NR5A2: variants seen among roughly 807,000 people sequenced by gnomAD.
The protein encoded by NR5A2 is nuclear receptor subfamily 5 group A member 2.
A neutral mutation model predicts 62.7 loss-of-function variants in NR5A2; 26 were observed. The ratio of observed to expected loss-of-function variants is 0.41; its 90% confidence interval spans 0.30 to 0.58. NR5A2 has a LOEUF of 0.58. Among genes scored for constraint, NR5A2 ranks in the 20% least tolerant of loss-of-function variants. The pLI, the probability that NR5A2 is intolerant of heterozygous loss-of-function variation, is 0.22. For synonymous variants in NR5A2, 246 were observed against 241.7 expected (o/e 1.02, Z -0.16); for missense variants, 541 against 669.1 (o/e 0.81, Z 2.11).
At chr1:200,051,219 G>A (rs898146014) in intron 5 of NR5A2, among the ~76,000 whole-genome samples, 12 of 152,120 alleles carry the variant, frequency 7.9e-5, no homozygotes, top group African/African-American at 1.7e-4. Flanking sequence ...AAAGACAGCC[G>A]CAGAGAATAA....
chr1:200,088,556 C>G (rs754061403), intron 5 of NR5A2, among the ~76,000 whole-genome samples: 1 of 150,448 alleles, frequency 6.6e-6, no homozygotes, highest in African/African-American at 2.4e-5. Context: ...CATGCCTGAC[C>G]GCCCAGCCCC....
chr1:200,151,333 T>C (rs1420825494), intron 7 of NR5A2, among the ~76,000 whole-genome samples: 1 of 152,224 alleles, frequency 6.6e-6, no homozygotes, highest in African/African-American at 2.4e-5. Context: ...TATGCCATGA[T>C]TTACTGTCAG....
chr1:200,073,328 A>G (rs1663841009), intron 5 of NR5A2, among the ~76,000 whole-genome samples: 1 of 142,712 alleles, frequency 7.0e-6, no homozygotes, highest in Non-Finnish European at 1.5e-5. Context: ...CCCTTTATAT[A>G]TATATATATA....
chr1:200,040,735 T>C (rs1288074097), intron 2 of NR5A2, among the ~76,000 whole-genome samples: 2 of 152,112 alleles, frequency 1.3e-5, no homozygotes, highest in Non-Finnish European at 2.9e-5. Flanking sequence ...TGCGCGAACT[T>C]GAAAGGACTG....
chr1:200,106,066 T>G (rs12742980), intron 5 of NR5A2, among the ~76,000 whole-genome samples: 2 of 62,258 alleles, frequency 3.2e-5, no homozygotes, highest in Non-Finnish European at 7.2e-5. Context: ...TCACTCTTCT[T>G]TTTTTTTTTG....
At chr1:200,111,143 A>C in intron 5 of NR5A2, 59 bp from the exon 6 acceptor site, 1 of 1,572,588 alleles carries the variant, frequency 6.4e-7, no homozygotes, top group Non-Finnish European at 8.6e-7. Flanking sequence ...ACAAAAAAGT[A>C]GTGAATAACA....
chr1:200,114,650 C>G (rs1666133056), intron 6 of NR5A2, among the ~76,000 whole-genome samples: 1 of 152,198 alleles, frequency 6.6e-6, no homozygotes, highest in Non-Finnish European at 1.5e-5. Context: ...CTGTGAAATG[C>G]TGACACAAAA....
intron 7 of NR5A2, among the ~76,000 whole-genome samples, chr1:200,153,169 G>C (rs905011412): frequency 6.6e-6 from 1 of 152,202 alleles, no homozygotes; most frequent in Non-Finnish European, 1.5e-5. Context: ...GCCTACTTTA[G>C]AGTAGTTGTC....
At chr1:200,055,407 G>A (rs1571724091) in intron 5 of NR5A2, among the ~76,000 whole-genome samples, 3 of 152,140 alleles carry the variant, frequency 2.0e-5, no homozygotes, top group Admixed American at 2.0e-4. Flanking sequence ...TGTTGGTCAG[G>A]CTGGTCTCAA....
intron 1 of NR5A2, among the ~76,000 whole-genome samples, chr1:200,035,912 T>A (rs930793398): frequency 3.3e-5 from 5 of 152,170 alleles, no homozygotes; most frequent in Non-Finnish European, 5.9e-5. Flanking sequence ...TGAGCAGAGC[T>A]GTCCCCCGGT....
At chr1:200,050,372 T>C (rs1662571403) in intron 5 of NR5A2, among the ~76,000 whole-genome samples, 1 of 152,230 alleles carries the variant, frequency 6.6e-6, no homozygotes, top group African/African-American at 2.4e-5. Context: ...AATGAACTGC[T>C]TAATAATTAT....
intron 7 of NR5A2, among the ~76,000 whole-genome samples, chr1:200,133,387 T>C (rs1347583486): frequency 1.3e-5 from 2 of 151,850 alleles, no homozygotes; most frequent in Non-Finnish European, 2.9e-5. Flanking sequence ...TGAGTGGCCA[T>C]GCTGGACTCA....
chr1:200,172,206 A>G (rs1027189950), intron 7 of NR5A2, among the ~76,000 whole-genome samples: 1 of 152,238 alleles, frequency 6.6e-6, no homozygotes, highest in African/African-American at 2.4e-5. Flanking sequence ...AAGGTAGGAC[A>G]TATTGAAGGT....
rs190052708 is a variant in NR5A2 at position 200,058,594 on chromosome 1, C to T, written c.1110+9776C>T. Among the ~76,000 whole-genome samples the T allele has an allele frequency of 1.3e-3, 205 of 151,856 alleles. 4 individuals are homozygous for T. Among genetic ancestry groups the T allele is most frequent in the Admixed American group, 0.011 (174 of 15,270 alleles). ...CTTCCCGGTTCAAGCGATTCTCCTC[C>T]GTCAACCTCCCGAGTAGCTGAGATC... On this transcript the variant is annotated intron_variant, in intron 5 of 7. Coordinates refer to ENST00000367362, the MANE Select transcript of NR5A2 (RefSeq NM_205860.3).
intron 4 of NR5A2, among the ~76,000 whole-genome samples, chr1:200,046,113 A>G (rs906350156): frequency 1.3e-5 from 2 of 152,196 alleles, no homozygotes; most frequent in African/African-American, 4.8e-5. Context: ...TTGATAGTGT[A>G]GAAATGTATT....
Position 200,039,928 on chromosome 1 carries a change from GC to G in NR5A2, c.202+138del. 1 of 965,878 alleles carries G rather than the reference GC, an allele frequency of 1.0e-6. No homozygotes were observed. The highest frequency in any genetic ancestry group is 3.4e-4 in the Middle Eastern group (1 of 2,952). 59.8% of individuals were successfully genotyped at this position (965,878 alleles called of 1,614,324 possible). The stretch of plus-strand genomic sequence containing the variant: ...GGGCGCTCGCAGCCGCGGGAGTCAA[GC>G]CCCCTCCCCAGGTGCAGGCATAAAA... On this transcript the variant is annotated intron_variant, in intron 2 of 7. Coordinates refer to ENST00000367362, the MANE Select transcript of NR5A2 (RefSeq NM_205860.3). The surrounding 1 kb of genome is among the most constrained non-coding windows in gnomAD (Gnocchi z 5.1).
Position 200,174,193 on chromosome 1 carries a change from C to A in NR5A2, c.1609C>A (p.His537Asn). 6.3e-7 allele frequency: 1 copy of A among 1,595,502 alleles called. No homozygotes were observed. Among genetic ancestry groups the A allele is most frequent in the Non-Finnish European group, 8.6e-7 (1 of 1,169,514 alleles). Residue 537 changes from histidine to asparagine, a missense_variant, in exon 8 of 8, where the codon CAT (histidine) becomes AAT (asparagine). By Grantham distance (68) the His-to-Asn change is moderately conservative. This residue lies in a region of NR5A2 where 379 missense variants were observed against 442.0 expected (regional missense o/e 0.86). Coordinates refer to ENST00000367362, the MANE Select transcript of NR5A2 (RefSeq NM_205860.3). ...PYNNLLIEML[H>N]AKRA ...TAATAACCTTCTCATTGAAATGTTG[C>A]ATGCCAAAAGAGCATAAGTTACAAC...
At chr1:200,058,576 G>A (rs185683005) in intron 5 of NR5A2, among the ~76,000 whole-genome samples, 12 of 151,872 alleles carry the variant, frequency 7.9e-5, no homozygotes, top group Admixed American at 2.6e-4. Flanking sequence ...CGCCTTCCCG[G>A]TTCAAGCGAT....
intron 7 of NR5A2, among the ~76,000 whole-genome samples, chr1:200,151,768 C>T (rs1307162991): frequency 6.6e-6 from 1 of 152,186 alleles, no homozygotes; most frequent in Admixed American, 6.5e-5. Context: ...CATTTGTCTT[C>T]TTAAGGTCAT....
Sources: allele counts gnomAD v4.1 joint callset (sites outside exome capture counted in the v4.1 genomes callset), GRCh38; gene constraint gnomAD v4.1.1; regional missense constraint gnomAD v4.1.1; non-coding constraint Gnocchi (gnomAD v3.1); transcripts MANE v1.5; gene names NCBI Gene and HGNC (gene_info 2026-07-23, HGNC 2026-07-21).